The following EYS variants were observed in gnomAD, a reference collection of about 807,000 sequenced individuals.
EYS encodes EGF-like photoreceptor maintenance factor.
EYS carries 250 observed loss-of-function variants against 282.1 expected under a neutral mutation model. That is an observed-to-expected ratio of 0.89 (90% confidence interval 0.80 to 0.98). The LOEUF is 0.98. EYS is among the 50% of genes least tolerant of loss of function. The pLI is 0.00. For synonymous variants in EYS, 1,355 were observed against 1,282.9 expected (o/e 1.06, Z -1.20); for missense variants, 4,016 against 3,709.0 (o/e 1.08, Z -2.15).
intron 13 of EYS, among the ~76,000 whole-genome samples, chr6:65,030,235 G>T (rs1472483750): frequency 1.3e-5 from 2 of 152,044 alleles, no homozygotes; most frequent in African/African-American, 2.4e-5. Context: ...CACTCCTAGG[G>T]TCCCTGCTTG....
In EYS at chr6:64,013,443, T is replaced by G. The variant is rs542445219; in HGVS notation, c.6726-14260A>C. On this transcript the variant is annotated intron_variant, in intron 33 of 42. Transcript: ENST00000503581. Reference sequence around the variant, plus strand: ...AAATTTGCATCCAGAAAGCTTCCTGTTTTTTTTGACCTGACATCCATTTCT... The same window carrying G: ...AAATTTGCATCCAGAAAGCTTCCTGGTTTTTTTGACCTGACATCCATTTCT... 3.3e-5 allele frequency among the ~76,000 whole-genome samples: 5 copies of G among 152,062 alleles called. No homozygotes were observed. In the East Asian group the frequency reaches 5.8e-4, roughly 18 times the overall value.
chr6:64,647,351 C>A (rs927914020), intron 22 of EYS, among the ~76,000 whole-genome samples: 1 of 152,070 alleles, frequency 6.6e-6, no homozygotes, highest in Non-Finnish European at 1.5e-5. Flanking sequence ...CACACACACA[C>A]ATATTGAGAG....
chr6:65,339,483 T>A (rs998933005), intron 10 of EYS, among the ~76,000 whole-genome samples: 1 of 151,252 alleles, frequency 6.6e-6, no homozygotes, highest in African/African-American at 2.4e-5. Flanking sequence ...TATATTTTTA[T>A]TAGTAATTGT....
At chr6:65,331,755 A>T (rs1250995307) in intron 11 of EYS, 1 of 979,072 alleles carries the variant, frequency 1.0e-6, no homozygotes, top group African/African-American at 1.8e-5. Flanking sequence ...GCACTATTCT[A>T]TGTGTCTTTT....
At chr6:64,941,785 T>A (rs1472405638) in intron 15 of EYS, among the ~76,000 whole-genome samples, 4 of 152,180 alleles carry the variant, frequency 2.6e-5, no homozygotes, top group Admixed American at 1.3e-4. Flanking sequence ...GCAAAGAACA[T>A]GACTTTGTTC....
At chr6:64,121,753 A>C (rs77823423) in intron 31 of EYS, among the ~76,000 whole-genome samples, 10,357 of 152,174 alleles carry the variant, frequency 0.068, 1,076 homozygotes, top group African/African-American at 0.23. Context: ...TTCTTAAAGT[A>C]CCAGTTTCTA....
chr6:65,047,310 C>T (rs139177650), intron 13 of EYS, among the ~76,000 whole-genome samples: 1 of 151,936 alleles, frequency 6.6e-6, no homozygotes, highest in East Asian at 2.0e-4. Context: ...TATCTCCATC[C>T]ATACTTTGTA....
chr6:65,261,021 C>T (rs1475946963), intron 12 of EYS, among the ~76,000 whole-genome samples: 1 of 151,954 alleles, frequency 6.6e-6, no homozygotes, highest in Non-Finnish European at 1.5e-5. Flanking sequence ...GTACTATCAT[C>T]ATTGTTTGGA....
intron 28 of EYS, among the ~76,000 whole-genome samples, chr6:64,408,593 T>C (rs1773794805): frequency 6.6e-6 from 1 of 152,166 alleles, no homozygotes; most frequent in South Asian, 2.1e-4. Context: ...AGTTTGTCTT[T>C]TCTAGAAAGC....
At chr6:63,951,996 A>T (rs1562112685) in intron 35 of EYS, among the ~76,000 whole-genome samples, 1 of 152,084 alleles carries the variant, frequency 6.6e-6, no homozygotes, top group African/African-American at 2.4e-5. Flanking sequence ...CAGCCCTCAA[A>T]CCCCACAAAA....
intron 22 of EYS, among the ~76,000 whole-genome samples, chr6:64,802,182 C>T (rs1764265243): frequency 6.6e-6 from 1 of 151,386 alleles, no homozygotes; most frequent in African/African-American, 2.4e-5. Context: ...TACAGGCGCC[C>T]ACCACCATGC....
At chr6:64,892,703 C>T (rs1215409927) in intron 18 of EYS, among the ~76,000 whole-genome samples, 1 of 151,970 alleles carries the variant, frequency 6.6e-6, no homozygotes, top group Non-Finnish European at 1.5e-5. Context: ...ATACTCACAA[C>T]ATGTCTTTAT....
rs904722629 is a variant in EYS at position 64,101,042 on chromosome 6, C to T, written c.6425-19040G>A. ...CTATATCTTAAGTAGCTAAAACCAGCAAATGTTGTGGTATCACTGTCTGTC... is the reference window on the plus strand; with the variant it reads ...CTATATCTTAAGTAGCTAAAACCAGTAAATGTTGTGGTATCACTGTCTGTC... On this transcript the variant is annotated intron_variant, in intron 31 of 42. Coordinates refer to ENST00000503581, the MANE Select transcript of EYS (RefSeq NM_001142800.2). Among the ~76,000 whole-genome samples, 8 of 152,102 alleles carry T rather than the reference C, an allele frequency of 5.3e-5. 1 individual carries two copies. Among genetic ancestry groups the T allele is most frequent in the African/African-American group, 1.9e-4 (8 of 41,410 alleles).
chr6:65,101,304 C>T (rs907821875), intron 12 of EYS, among the ~76,000 whole-genome samples: 1 of 151,176 alleles, frequency 6.6e-6, no homozygotes, highest in Non-Finnish European at 1.5e-5. Flanking sequence ...TTACAAACCA[C>T]TGTGTGCCTG....
intron 2 of EYS, among the ~76,000 whole-genome samples, chr6:65,588,779 A>C (rs1034663188): frequency 2.0e-5 from 3 of 152,094 alleles, no homozygotes; most frequent in Admixed American, 6.6e-5. Context: ...GCAGGATTCT[A>C]TAACTCCTAA....
At chr6:64,143,685 C>T (rs970589552) in intron 31 of EYS, among the ~76,000 whole-genome samples, 15 of 152,146 alleles carry the variant, frequency 9.9e-5, no homozygotes, top group South Asian at 4.1e-4. Flanking sequence ...TGGATGTTCT[C>T]GGCTTATCAG....
At chr6:64,643,890 T>C (rs1172940532) in intron 22 of EYS, among the ~76,000 whole-genome samples, 1 of 152,224 alleles carries the variant, frequency 6.6e-6, no homozygotes, top group East Asian at 1.9e-4. Context: ...CTTTCTTTTG[T>C]AAATTGCTCA....
At chr6:64,488,160 TA>T (rs1386469387) in intron 26 of EYS, among the ~76,000 whole-genome samples, 6 of 151,032 alleles carry the variant, frequency 4.0e-5, no homozygotes, top group African/African-American at 1.2e-4. Flanking sequence ...TAATACAATT[TA>T]AAAAAATAAT....
At chr6:64,958,881 C>T (rs1769817496) in intron 14 of EYS, among the ~76,000 whole-genome samples, 1 of 150,988 alleles carries the variant, frequency 6.6e-6, no homozygotes, top group Non-Finnish European at 1.5e-5. Flanking sequence ...GGAAACATTA[C>T]AGTTAGACAC....
Sources: allele counts gnomAD v4.1 joint callset (sites outside exome capture counted in the v4.1 genomes callset), GRCh38; gene constraint gnomAD v4.1.1; transcripts MANE v1.5; gene names NCBI Gene and HGNC (gene_info 2026-07-23, HGNC 2026-07-21).